PAFAH1B2: variants seen among roughly 807,000 people sequenced by gnomAD.
PAFAH1B2 encodes platelet-activating factor acetylhydrolase IB subunit alpha2.
Under a neutral mutation model 28.0 loss-of-function variants are expected in PAFAH1B2, and 8 were observed. That is an observed-to-expected ratio of 0.29 (90% CI 0.17 to 0.52). PAFAH1B2 has a LOEUF of 0.52. Among genes scored for constraint, PAFAH1B2 ranks in the 20% least tolerant of loss-of-function variants. PAFAH1B2 has a pLI of 0.97. For missense variants in PAFAH1B2, 190 were observed against 282.6 expected (o/e 0.67, Z 2.35); for synonymous variants, 104 against 103.2 (o/e 1.01, Z -0.05).
At chr11:117,175,602 C>T, downstream of PAFAH1B2, 1 of 1,194,788 alleles carries the variant, frequency 8.4e-7, no homozygotes, top group African/African-American at 1.6e-5. Flanking sequence ...TGATAGTCCA[C>T]AGTTGTTTGG....
At chr11:117,148,876 T>A (rs967938752) in intron 1 of PAFAH1B2, among the ~76,000 whole-genome samples, 5 of 151,928 alleles carry the variant, frequency 3.3e-5, no homozygotes, top group African/African-American at 9.7e-5. Context: ...TCTCAGAACA[T>A]TTATTTACTT....
Position 117,169,604 on chromosome 11 carries a change from A to G in PAFAH1B2, c.*1905A>G. ...AAAATTTTTTGGTTTTGTTCTTTTT[A>G]AAAAATACATACTTTTTTGAATGTA... is the stretch of plus-strand genomic sequence containing the variant. On this transcript the variant is annotated 3_prime_UTR_variant, in exon 6 of 6. Coordinates refer to ENST00000527958, the MANE Select transcript of PAFAH1B2 (RefSeq NM_002572.4). 1 of 1,051,868 alleles carries G rather than the reference A, an allele frequency of 9.5e-7. No homozygotes were observed. Among genetic ancestry groups the G allele is most frequent in the East Asian group, 5.3e-5 (1 of 18,710 alleles). The allele number at this position is 1,051,868 out of a possible 1,614,324, so 65.2% of individuals were successfully genotyped here. A position where few individuals can be genotyped will look rare whatever the true frequency, so the allele number is the denominator to read the frequency against.
intron 2 of PAFAH1B2, among the ~76,000 whole-genome samples, chr11:117,155,716 CACTT>C (rs773545516): frequency 1.3e-5 from 2 of 151,970 alleles, no homozygotes; most frequent in Non-Finnish European, 2.9e-5. Flanking sequence ...CCCTTTATCA[CACTT>C]ACTAGATTCA....
rs186780347 is a variant in PAFAH1B2, at chr11:117,154,985, T to G, written c.81+2457T>G. On this transcript the variant is annotated intron_variant, in intron 2 of 5. Coordinates refer to ENST00000527958, the MANE Select transcript of PAFAH1B2 (RefSeq NM_002572.4). ...GATATTTTGCGTAATAAAAAGGTTT[T>G]GTTTTGTTTTTGTTTTTGAGATGGA... is the stretch of plus-strand genomic sequence containing the variant. Among the ~76,000 whole-genome samples, 38 of 152,298 alleles carry G rather than the reference T, an allele frequency of 2.5e-4. No homozygotes were observed. In the South Asian group the frequency reaches 4.6e-3, roughly 18 times the overall value.
chr11:117,167,669 A>G lies in PAFAH1B2; in HGVS notation c.660A>G (p.Thr220=). The part of the protein sequence containing the change: ...HELIMQLLEE[T]PEEKQTTIA ...TGATCATGCAGTTGTTGGAGGAAAC[A>G]CCTGAGGAGAAACAAACCACCATTG... The change falls in exon 6 of 6, where the codon ACA becomes ACG. Residue 220 remains threonine (T), a synonymous_variant. Coordinates refer to ENST00000527958, the MANE Select transcript of PAFAH1B2 (RefSeq NM_002572.4). The G allele has an allele frequency of 6.4e-7, 1 of 1,564,850 alleles. No homozygotes were observed. The highest frequency in any genetic ancestry group is 8.7e-7 in the Non-Finnish European group (1 of 1,147,926).
At chr11:117,157,936 G>A (rs1591741792) in intron 2 of PAFAH1B2, among the ~76,000 whole-genome samples, 1 of 152,022 alleles carries the variant, frequency 6.6e-6, no homozygotes, top group Non-Finnish European at 1.5e-5. Context: ...TCAGGAGTTC[G>A]AGACCAGCCT....
At chr11:117,148,403 G>C (rs890580437) in intron 1 of PAFAH1B2, among the ~76,000 whole-genome samples, 2 of 152,098 alleles carry the variant, frequency 1.3e-5, no homozygotes, top group Non-Finnish European at 2.9e-5. Flanking sequence ...CTCAAGAGTA[G>C]GCTTTGGAAG....
chr11:117,152,367 G>C (rs972702104), intron 1 of PAFAH1B2, 74 bp from the exon 2 acceptor site: 107 of 830,942 alleles, frequency 1.3e-4, no homozygotes, highest in Middle Eastern at 8.9e-4. Flanking sequence ...TTTAAAGCCT[G>C]ATGTGTATAA....
At chr11:117,157,497 A>G (rs1591741220) in intron 2 of PAFAH1B2, among the ~76,000 whole-genome samples, 1 of 152,224 alleles carries the variant, frequency 6.6e-6, no homozygotes. Context: ...GTCACTTTAC[A>G]CTTCACCTGT....
At chr11:117,175,417 AC>A, downstream of PAFAH1B2, 2 of 1,069,228 alleles carry the variant, frequency 1.9e-6, no homozygotes, top group Non-Finnish European at 2.3e-6. Context: ...AGTTCTGCAG[AC>A]CTGGGAACAG....
rs372301153 is a variant in PAFAH1B2 at position 117,160,045 on chromosome 11, G to A, written c.171+22G>A. 49 of 1,534,906 alleles carry A rather than the reference G, an allele frequency of 3.2e-5. No homozygotes were observed. In the South Asian group the frequency reaches 3.8e-4, roughly 12 times the overall value. On this transcript the variant is annotated intron_variant, in intron 3 of 5. Transcript: ENST00000527958. The stretch of plus-strand genomic sequence containing the variant: ...TGAGGTAAAGGTGGAAGGGATGAGC[G>A]TGGTTCTTGGCTACTCATGTATATC...
chr11:117,171,156 T>G (rs1448166919), downstream of PAFAH1B2: 10 of 732,206 alleles, frequency 1.4e-5, no homozygotes, highest in East Asian at 1.5e-4. Context: ...TGATCCTGCT[T>G]CTTTACTGTG....
At chr11:117,155,289 C>T (rs1956234058) in intron 2 of PAFAH1B2, among the ~76,000 whole-genome samples, 1 of 152,118 alleles carries the variant, frequency 6.6e-6, no homozygotes, top group Non-Finnish European at 1.5e-5. Flanking sequence ...TGTTGAAAGA[C>T]TTGCCAAATA....
intron 5 of PAFAH1B2, 24 bp downstream of exon 5, chr11:117,163,916 G>T (rs1330110932): frequency 1.2e-6 from 2 of 1,610,576 alleles, no homozygotes; most frequent in South Asian, 2.2e-5. Context: ...GGTGGGTAGA[G>T]AGTTTGTTAT....
chr11:117,164,112 A>G, intron 5 of PAFAH1B2: 1 of 424,956 alleles, frequency 2.4e-6, no homozygotes, highest in Non-Finnish European at 4.2e-6. Context: ...CTTGTTTAGA[A>G]GTATGGAAGC....
chr11:117,175,018 C>G (rs936972569), downstream of PAFAH1B2: 32 of 1,411,728 alleles, frequency 2.3e-5, no homozygotes, highest in African/African-American at 4.5e-4. Context: ...TGGAGCTGGA[C>G]TCATGGGTCC....
In PAFAH1B2 at chr11:117,168,064, A is replaced by G. The variant is rs1456488929; in HGVS notation, c.*365A>G. On this transcript the variant is annotated 3_prime_UTR_variant, in exon 6 of 6. Coordinates refer to ENST00000527958, the MANE Select transcript of PAFAH1B2 (RefSeq NM_002572.4). ...TTGGCCTTTCTGTGGATTATGTCAT[A>G]TATAATAATTATCAGAATCATTCTA... 6 of 1,059,892 alleles carry G rather than the reference A, an allele frequency of 5.7e-6. No homozygotes were observed. Among genetic ancestry groups the G allele is most frequent in the East Asian group, 5.2e-5 (1 of 19,360 alleles). The allele number at this position is 1,059,892 out of a possible 1,614,324, so 65.7% of individuals were successfully genotyped here.
chr11:117,169,144 G>A lies in PAFAH1B2; in HGVS notation c.*1445G>A. On this transcript the variant is annotated 3_prime_UTR_variant, in exon 6 of 6. Coordinates refer to ENST00000527958, the MANE Select transcript of PAFAH1B2 (RefSeq NM_002572.4). ...CAAAAATTTTGGGCCTTTTTCTGTG[G>A]GGAAACAAGTGAAGCTGCTCTTCAG... is the stretch of plus-strand genomic sequence containing the variant. 2.0e-6 allele frequency: 2 copies of A among 1,025,354 alleles called. No homozygotes were observed. The highest frequency in any genetic ancestry group is 2.3e-6 in the Non-Finnish European group (2 of 853,982). The allele number at this position is 1,025,354 out of a possible 1,614,324, so 63.5% of individuals were successfully genotyped here.
rs536284576 is a variant in PAFAH1B2, at chr11:117,167,822, T to G, written c.*123T>G. ...TAGAATGTTCCTGGATGTTCATATC[T>G]AGTGTTTGAAGGGGAGGAGGGATTT... On this transcript the variant is annotated 3_prime_UTR_variant, in exon 6 of 6. Transcript: ENST00000527958. The G allele has an allele frequency of 3.9e-6, 5 of 1,293,998 alleles. No homozygotes were observed. In the East Asian group the frequency reaches 1.5e-4, roughly 38 times the overall value. 80.2% of individuals were successfully genotyped at this position (1,293,998 alleles called of 1,614,324 possible).
Sources: gnomAD v4.1 joint callset for allele counts (sites outside exome capture counted in the v4.1 genomes callset) on GRCh38, gnomAD v4.1.1 for gene constraint, MANE v1.5 for transcripts, NCBI Gene and HGNC (gene_info 2026-07-23, HGNC 2026-07-21) for gene names.